The following FBLN7 variants were observed in gnomAD, a reference collection of about 807,000 sequenced individuals.
The protein encoded by FBLN7 is fibulin 7.
A neutral mutation model predicts 44.0 loss-of-function variants in FBLN7; 31 were observed. The ratio of observed to expected loss-of-function variants is 0.70; its 90% CI spans 0.53 to 0.95. FBLN7 has a LOEUF of 0.95. Among genes scored for constraint, FBLN7 ranks in the 40% least tolerant of loss-of-function variants. The pLI, the probability that FBLN7 is intolerant of heterozygous loss-of-function variation, is 0.00. For missense variants in FBLN7, 573 were observed against 618.5 expected (o/e 0.93, Z 0.78); for synonymous variants, 262 against 253.4 (o/e 1.03, Z -0.32).
At chr2:112,190,315 CA>C (rs1683445449), downstream of FBLN7, 1 of 152,164 alleles carries the variant, frequency 6.6e-6, no homozygotes, top group Non-Finnish European at 1.5e-5. Flanking sequence ...GTAGGGATTG[CA>C]ATTAATATTC....
At chr2:112,142,310 C>T (rs937111650) in intron 1 of FBLN7, among the ~76,000 whole-genome samples, 4 of 152,200 alleles carry the variant, frequency 2.6e-5, no homozygotes, top group Admixed American at 6.5e-5. Context: ...CCTGTATTTC[C>T]TGTTTGGGTC....
chr2:112,202,403 A>G, the FBLN7 span, among the ~76,000 whole-genome samples: 1 of 151,406 alleles, frequency 6.6e-6, no homozygotes, highest in South Asian at 2.1e-4. Flanking sequence ...TTCTATTTAT[A>G]TATTACATAT....
At chr2:112,172,003 T>A (rs912893838) in intron 3 of FBLN7, among the ~76,000 whole-genome samples, 1 of 152,204 alleles carries the variant, frequency 6.6e-6, no homozygotes, top group African/African-American at 2.4e-5. Flanking sequence ...TGCCTCGGCC[T>A]CCCAAAGTGC....
rs761732994 is a variant in FBLN7 at position 112,187,237 on chromosome 2, C to A, written c.1051C>A (p.Pro351Thr). 7 of 1,614,026 alleles carry A rather than the reference C, an allele frequency of 4.3e-6. No individual in the cohort carries two copies. In the Admixed American group the frequency reaches 8.3e-5, roughly 19 times the overall value. ...CTCTCTGCCTTCCAACCTGAAGACGCCCATCACGCTCTTCCGCATGGCCAC... is the reference window on the plus strand; with the variant it reads ...CTCTCTGCCTTCCAACCTGAAGACGACCATCACGCTCTTCCGCATGGCCAC... ...YLSLPSNLKT[P>T]ITLFRMATAS... Residue 351 changes from proline (P) to threonine (T), a missense_variant, in exon 8 of 8, where the codon CCC becomes ACC. Physicochemically the swap from Pro to Thr is conservative, Grantham distance 38. Coordinates refer to ENST00000331203, the MANE Select transcript of FBLN7 (RefSeq NM_153214.3). This position sits in a 1 kb window ranked among gnomAD's most constrained non-coding sequence, Gnocchi z 5.1.
intron 2 of FBLN7, among the ~76,000 whole-genome samples, chr2:112,163,400 G>A (rs2104571818): frequency 6.6e-6 from 1 of 152,370 alleles, no homozygotes; most frequent in Non-Finnish European, 1.5e-5. Context: ...ATATGAACAT[G>A]GCAAATGACA....
the FBLN7 span, among the ~76,000 whole-genome samples, chr2:112,243,287 AACC>A: frequency 1.3e-5 from 2 of 152,232 alleles, no homozygotes; most frequent in Admixed American, 1.3e-4. Flanking sequence ...GCTTCCGCCT[AACC>A]TTTGATTGGC....
chr2:112,206,857 C>T, the FBLN7 span, among the ~76,000 whole-genome samples: 3 of 151,832 alleles, frequency 2.0e-5, no homozygotes, highest in South Asian at 4.2e-4. Flanking sequence ...TCCAGCCTCC[C>T]AAGTAGCTGG....
chr2:112,205,355 A>C, the FBLN7 span, among the ~76,000 whole-genome samples: 207 of 152,236 alleles, frequency 1.4e-3, 2 homozygotes, highest in African/African-American at 4.7e-3. Flanking sequence ...AATTATATTA[A>C]GTGTATTTGG....
chr2:112,160,619 C>T (rs1681709983), intron 2 of FBLN7, among the ~76,000 whole-genome samples: 1 of 152,198 alleles, frequency 6.6e-6, no homozygotes, highest in Admixed American at 6.5e-5. Flanking sequence ...CTGCGTTCCT[C>T]CACACCCTCT....
At chr2:112,171,092 C>T (rs376183355) in intron 3 of FBLN7, among the ~76,000 whole-genome samples, 5 of 152,142 alleles carry the variant, frequency 3.3e-5, no homozygotes, top group African/African-American at 7.2e-5. Flanking sequence ...GGACATATTA[C>T]GTTAAAATGG....
the FBLN7 span, among the ~76,000 whole-genome samples, chr2:112,195,933 A>G: frequency 6.6e-6 from 1 of 152,112 alleles, no homozygotes; most frequent in East Asian, 1.9e-4. Flanking sequence ...ATAGGCTGGC[A>G]CTCTGTGCCC....
chr2:112,169,480 CT>C (rs1682339037), intron 3 of FBLN7, among the ~76,000 whole-genome samples: 1 of 152,148 alleles, frequency 6.6e-6, no homozygotes, highest in Admixed American at 6.5e-5. Context: ...GATCTTGTGC[CT>C]TTGACAACGT....
the FBLN7 span, chr2:112,230,950 C>T: frequency 8.0e-7 from 1 of 1,248,426 alleles, no homozygotes; most frequent in Non-Finnish European, 1.1e-6. Context: ...GTATCCAAAA[C>T]CTAATATAAA....
At chr2:112,180,668 T>C (rs958761123) in intron 4 of FBLN7, among the ~76,000 whole-genome samples, 15 of 151,916 alleles carry the variant, frequency 9.9e-5, no homozygotes, top group Admixed American at 3.3e-4. Flanking sequence ...CGCCTGTAAT[T>C]CCAGCACTTT....
chr2:112,215,206 T>C, the FBLN7 span: 1 of 152,202 alleles, frequency 6.6e-6, no homozygotes, highest in African/African-American at 2.4e-5. Flanking sequence ...ATTTATTCCC[T>C]TTCTATGCAA....
chr2:112,200,466 CAGA>C, the FBLN7 span, among the ~76,000 whole-genome samples: 1 of 152,146 alleles, frequency 6.6e-6, no homozygotes, highest in African/African-American at 2.4e-5. Flanking sequence ...ATTACCTGAG[CAGA>C]AGGACACATC....
chr2:112,156,473 C>A (rs1425219307), intron 1 of FBLN7, among the ~76,000 whole-genome samples: 1 of 152,220 alleles, frequency 6.6e-6, no homozygotes, highest in East Asian at 1.9e-4. Context: ...GACTGAAGTA[C>A]ACAAATGCAA....
chr2:112,151,016 G>C (rs1681132442), intron 1 of FBLN7, among the ~76,000 whole-genome samples: 1 of 152,162 alleles, frequency 6.6e-6, no homozygotes, highest in East Asian at 1.9e-4. Context: ...CTTCTAAGTC[G>C]AAGTGGAAAG....
At chr2:112,184,470 G>T (rs993354005) in intron 6 of FBLN7, among the ~76,000 whole-genome samples, 4 of 152,100 alleles carry the variant, frequency 2.6e-5, no homozygotes, top group African/African-American at 9.7e-5. Flanking sequence ...GCCCACCTGG[G>T]GTTGCTTGGG....
Sources: gnomAD v4.1 joint callset for allele counts (sites outside exome capture counted in the v4.1 genomes callset) on GRCh38, gnomAD v4.1.1 for gene constraint, Gnocchi (gnomAD v3.1) non-coding constraint, MANE v1.5 for transcripts, NCBI Gene and HGNC (gene_info 2026-07-23, HGNC 2026-07-21) for gene names.